RCVRN: variants seen among roughly 807,000 people sequenced by gnomAD.
The protein encoded by RCVRN is cancer associated retinopathy antigen.
A neutral mutation model predicts 20.4 loss-of-function variants in RCVRN; 23 were observed. The observed-to-expected ratio is 1.13, with a 90% CI of 0.81 to 1.60. The LOEUF (loss-of-function observed/expected upper bound fraction) is 1.60. Ranked by LOEUF, RCVRN falls within the 40% of genes most tolerant of loss-of-function variation. The pLI is 0.00. For synonymous variants in RCVRN, 105 were observed against 105.9 expected (o/e 0.99, Z 0.05); for missense variants, 254 against 254.2 (o/e 1.00, Z 0.00).
chr17:9,903,356 G>T (rs1021235999), intron 1 of RCVRN, among the ~76,000 whole-genome samples: 3 of 152,236 alleles, frequency 2.0e-5, no homozygotes, highest in Non-Finnish European at 4.4e-5. Flanking sequence ...GGACAGGGGA[G>T]AAGGCGTGTT....
chr17:9,898,396 A>C (rs974591667), intron 2 of RCVRN, among the ~76,000 whole-genome samples, 192 bp from the exon 3 acceptor site: 6 of 151,788 alleles, frequency 4.0e-5, no homozygotes, highest in Non-Finnish European at 8.8e-5. Context: ...CTTTCCCATG[A>C]CCCTTGGAGC....
chr17:9,901,951 C>A (rs1256572585), intron 1 of RCVRN, among the ~76,000 whole-genome samples: 1 of 152,168 alleles, frequency 6.6e-6, no homozygotes, highest in Admixed American at 6.5e-5. Flanking sequence ...AATAGCAGAG[C>A]CTTCTGCCAC....
rs1252611438 is a variant in RCVRN at position 9,899,351 on chromosome 17, A to G, written c.494-1147T>C. ...CACAGAGAGCTCACAGAGAGCTTGA[A>G]ACTCCCACCATCAAAGCCTGACTCT... On this transcript the variant is annotated intron_variant, in intron 2 of 2. Transcript: ENST00000226193. The surrounding 1 kb of genome is among the most constrained non-coding windows in gnomAD (Gnocchi z 4.6). Among the ~76,000 whole-genome samples, 1 of 151,920 alleles carries G rather than the reference A, an allele frequency of 6.6e-6. No individual in the cohort carries two copies. The highest frequency in any genetic ancestry group is 1.5e-5 in the Non-Finnish European group (1 of 68,004).
At chr17:9,902,071 C>T (rs1467249187) in intron 1 of RCVRN, among the ~76,000 whole-genome samples, 1 of 151,532 alleles carries the variant, frequency 6.6e-6, no homozygotes, top group Non-Finnish European at 1.5e-5. Context: ...TCTCCTTCCC[C>T]TTGCTTCCCC....
rs2067324982 is a variant in RCVRN, at chr17:9,897,973, C to T, written c.*122G>A. On this transcript the variant is annotated 3_prime_UTR_variant, in exon 3 of 3. Transcript: ENST00000226193. ...TTGTGTGCAGGCCTTTCTCTTGGCC[C>T]TGGGGTGGATGTGTGTGTGTGTGTG... 1.5e-6 allele frequency: 1 copy of T among 676,364 alleles called. No individual in the cohort carries two copies. The highest frequency in any genetic ancestry group is 2.1e-5 in the Admixed American group (1 of 47,450). The allele number at this position is 676,364 out of a possible 1,614,324, so 41.9% of individuals were successfully genotyped here. A position where few individuals can be genotyped will look rare whatever the true frequency, so the allele number is the denominator to read the frequency against.
rs1252455779 is a variant in RCVRN at position 9,899,144 on chromosome 17, T to C, written c.494-940A>G. Reference sequence around the variant, plus strand: ...AGCATGAGACAGATGCTCCTTTCTGTTGTATGTTCACAGTGCCTAGCACAG... The same window carrying C: ...AGCATGAGACAGATGCTCCTTTCTGCTGTATGTTCACAGTGCCTAGCACAG... On this transcript the variant is annotated intron_variant, in intron 2 of 2. Transcript: ENST00000226193. The surrounding 1 kb of genome is among the most constrained non-coding windows in gnomAD (Gnocchi z 4.6). 6.6e-6 allele frequency among the ~76,000 whole-genome samples: 1 copy of C among 152,162 alleles called. No homozygotes were observed. Among genetic ancestry groups the C allele is most frequent in the East Asian group, 1.9e-4 (1 of 5,186 alleles).
chr17:9,898,944 T>C (rs1055758618), intron 2 of RCVRN, among the ~76,000 whole-genome samples: 13 of 152,174 alleles, frequency 8.5e-5, no homozygotes, highest in Non-Finnish European at 1.8e-4. Flanking sequence ...TGGCTAACTG[T>C]ATTCAGATCA....
rs2067325480 is a variant in RCVRN at position 9,898,002 on chromosome 17, G to GCA, written c.*92_*93insTG. On this transcript the variant is annotated 3_prime_UTR_variant, in exon 3 of 3. Coordinates refer to ENST00000226193, the MANE Select transcript of RCVRN (RefSeq NM_002903.3). ...GGTGGATGTGTGTGTGTGTGTGTGC[G>GCA]CGCGCGTGTGTGTGCATGTGTGTGT... 14 of 787,118 alleles carry GCA rather than the reference G, an allele frequency of 1.8e-5. No homozygotes were observed. The highest frequency in any genetic ancestry group is 3.0e-5 in the Non-Finnish European group (13 of 438,804). The allele number at this position is 787,118 out of a possible 1,614,324, so 48.8% of individuals were successfully genotyped here.
At position 9,898,503 on chromosome 17, in the gene RCVRN, C is replaced by T. The variant is rs76222672; in HGVS notation, c.494-299G>A. ...TGTGTCTCTTCCGATTGGCCGGTGC[C>T]CCTGCCTTGCTGGTTATTAAATACT... On this transcript the variant is annotated intron_variant, in intron 2 of 2. Transcript: ENST00000226193. Among the ~76,000 whole-genome samples, 428 of 152,300 alleles carry T rather than the reference C, an allele frequency of 2.8e-3. 2 individuals carry two copies. Among genetic ancestry groups the T allele is most frequent in the Middle Eastern group, 0.017 (5 of 294 alleles).
chr17:9,904,717 C>T lies in RCVRN; in HGVS notation c.381+83G>A. 3 of 1,491,954 alleles carry T rather than the reference C, an allele frequency of 2.0e-6. No homozygotes were observed. The highest frequency in any genetic ancestry group is 2.3e-5 in the East Asian group (1 of 44,136). The allele number at this position is 1,491,954 out of a possible 1,614,324, so 92.4% of individuals were successfully genotyped here. A position where few individuals can be genotyped will look rare whatever the true frequency, so the allele number is the denominator to read the frequency against. ...CCCCGCTCCACCCACAGATCCACTC[C>T]CTCTGCAGCAGCTGCAGCAGGGGAC... On this transcript the variant is annotated intron_variant, in intron 1 of 2. Coordinates refer to ENST00000226193, the MANE Select transcript of RCVRN (RefSeq NM_002903.3). The surrounding 1 kb of genome is among the most constrained non-coding windows in gnomAD (Gnocchi z 5.8).
intron 1 of RCVRN, among the ~76,000 whole-genome samples, chr17:9,901,715 C>A (rs975166111): frequency 1.3e-5 from 2 of 152,240 alleles, no homozygotes; most frequent in Admixed American, 6.5e-5. Flanking sequence ...GGTGTGCCAG[C>A]TAGAAGCTGG....
intron 2 of RCVRN, among the ~76,000 whole-genome samples, chr17:9,900,329 G>A (rs1031826686): frequency 7.2e-5 from 11 of 152,138 alleles, no homozygotes; most frequent in Middle Eastern, 3.2e-3. Context: ...TACAGTGCAG[G>A]ATCACACTTC....
chr17:9,900,220 C>G (rs894817457), intron 2 of RCVRN, among the ~76,000 whole-genome samples: 7 of 152,154 alleles, frequency 4.6e-5, no homozygotes, highest in Non-Finnish European at 1.0e-4. Flanking sequence ...GTGTTTGCAG[C>G]CCCAGCCTAA....
In RCVRN at chr17:9,904,658, G is replaced by A; in HGVS notation, c.381+142C>T. 1.1e-6 allele frequency: 1 copy of A among 929,650 alleles called. No homozygotes were observed. Among genetic ancestry groups the A allele is most frequent in the Non-Finnish European group, 1.6e-6 (1 of 615,450 alleles). 57.6% of individuals were successfully genotyped at this position (929,650 alleles called of 1,614,324 possible). On this transcript the variant is annotated intron_variant, in intron 1 of 2. Coordinates refer to ENST00000226193, the MANE Select transcript of RCVRN (RefSeq NM_002903.3). The surrounding 1 kb of genome is among the most constrained non-coding windows in gnomAD (Gnocchi z 5.8). ...CCCCTCTATCAATATCAGCATCTCG[G>A]AGCACCACGCTCTCAGAGCCAGTGG...
intron 1 of RCVRN, among the ~76,000 whole-genome samples, chr17:9,902,466 C>A (rs1361144935): frequency 1.3e-5 from 2 of 151,876 alleles, no homozygotes; most frequent in African/African-American, 2.4e-5. Flanking sequence ...ATTGCCAATG[C>A]ACACAAAGTT....
intron 1 of RCVRN, among the ~76,000 whole-genome samples, chr17:9,902,769 G>A (rs12450203): frequency 0.44 from 66,756 of 151,980 alleles, 15,496 homozygotes; most frequent in Non-Finnish European, 0.52. Context: ...AGGCCGAGGC[G>A]GGCAGATCAC....
chr17:9,904,917 G>T lies in RCVRN; in HGVS notation c.264C>A (p.Ile88=), dbSNP rs1025853998. ...TGCCCGCGGTGGTCATGTGCAGGGC[G>T]ATGACGTACTCCTTGAAGTCCAGGG... ...DGTLDFKEYV[I]ALHMTTAGKT... Residue 88 remains isoleucine, a synonymous_variant, in exon 1 of 3, where the codon ATC becomes ATA. Transcript: ENST00000226193. This position sits in a 1 kb window ranked among gnomAD's most constrained non-coding sequence, Gnocchi z 5.8. The T allele has an allele frequency of 1.2e-6, 2 of 1,614,152 alleles. No individual in the cohort carries two copies. Among genetic ancestry groups the T allele is most frequent in the Admixed American group, 1.7e-5 (1 of 60,026 alleles).
rs886251676 is a variant in RCVRN, at chr17:9,899,359, C to A, written c.494-1155G>T. ...GCTCACAGAGAGCTTGAAACTCCCACCATCAAAGCCTGACTCTGCCCTGAG... is the reference window on the plus strand; with the variant it reads ...GCTCACAGAGAGCTTGAAACTCCCAACATCAAAGCCTGACTCTGCCCTGAG... On this transcript the variant is annotated intron_variant, in intron 2 of 2. Coordinates refer to ENST00000226193, the MANE Select transcript of RCVRN (RefSeq NM_002903.3). This position sits in a 1 kb window ranked among gnomAD's most constrained non-coding sequence, Gnocchi z 4.6. Among the ~76,000 whole-genome samples the A allele has an allele frequency of 6.6e-6, 1 of 152,194 alleles. No individual in the cohort carries two copies. Among genetic ancestry groups the A allele is most frequent in the African/African-American group, 2.4e-5 (1 of 41,440 alleles).
In RCVRN at chr17:9,897,074, GCTC is replaced by G. The variant is rs142407622; in HGVS notation, c.*1018_*1020del. The G allele has an allele frequency of 1.3e-5, 2 of 152,300 alleles. No individual in the cohort carries two copies. Among genetic ancestry groups the G allele is most frequent in the Non-Finnish European group, 2.9e-5 (2 of 68,120 alleles). 9.4% of individuals were successfully genotyped at this position (152,300 alleles called of 1,614,324 possible). ...CCCTGACTCCAGGGAGCCCCCAGTT[GCTC>G]CTCTCTGACTTATTTTAGCCTGCTG... On this transcript the variant is annotated 3_prime_UTR_variant, in exon 3 of 3. Transcript: ENST00000226193.
Sources: allele counts gnomAD v4.1 joint callset (sites outside exome capture counted in the v4.1 genomes callset), GRCh38; gene constraint gnomAD v4.1.1; non-coding constraint Gnocchi (gnomAD v3.1); transcripts MANE v1.5; gene names NCBI Gene and HGNC (gene_info 2026-07-23, HGNC 2026-07-21).